Variants in TTC3 observed in about 807,000 individuals in gnomAD.
TTC3 encodes E3 ubiquitin-protein ligase TTC3.
Under a neutral mutation model 249.6 loss-of-function variants are expected in TTC3, and 180 were observed. The observed-to-expected ratio is 0.72, with a 90% confidence interval of 0.64 to 0.82. TTC3 has a LOEUF of 0.82. TTC3 is among the 40% of genes least tolerant of loss of function. The probability of loss-of-function intolerance (pLI) is 0.00; values close to 1 mark genes in which losing one functional copy is unlikely to be tolerated. For synonymous variants in TTC3, 717 were observed against 805.0 expected, an observed-to-expected ratio of 0.89 and a Z score of 1.85; for missense variants, 2,061 against 2,398.4, an observed-to-expected ratio of 0.86 and a Z score of 2.94.
rs192795964 is a variant in TTC3 at position 37,195,614 on chromosome 21, T to C, written c.5218-61T>C. 1.0e-5 allele frequency: 16 copies of C among 1,529,112 alleles called. No homozygotes were observed. The East Asian group carries it at 3.6e-4, about 35-fold the overall frequency. 94.7% of individuals were successfully genotyped at this position (1,529,112 alleles called of 1,614,324 possible). Reference sequence around the variant, plus strand: ...GTATTTATTCATCGGCCTTTGTCCTTGGGCGTTTCATCCTTCAAGGGAAGC... The same window carrying C: ...GTATTTATTCATCGGCCTTTGTCCTCGGGCGTTTCATCCTTCAAGGGAAGC... On this transcript the variant is annotated intron_variant, in intron 41 of 45. Transcript: ENST00000355666.
At chr21:37,166,303 A>T in exon 33 of TTC3, 1 of 1,614,254 alleles carries the variant, frequency 6.2e-7, no homozygotes, top group Non-Finnish European at 8.5e-7. Flanking sequence ...AGCTACCAAG[A>T]TCAGTACCAG....
exon 21 of TTC3, chr21:37,144,579 T>C (rs1267111974): frequency 3.7e-6 from 6 of 1,612,812 alleles, no homozygotes; most frequent in Non-Finnish European, 4.2e-6. Flanking sequence ...TTTATCGTCT[T>C]CCTGGAGTGT....
At chr21:37,193,765 G>A (rs956136991) in intron 41 of TTC3, 3 of 152,228 alleles carry the variant, frequency 2.0e-5, no homozygotes, top group Non-Finnish European at 4.4e-5. Context: ...CCCTCAAAGT[G>A]CACATGGACT....
chr21:37,085,126 G>A (rs1170214437), intron 1 of TTC3, among the ~76,000 whole-genome samples: 1 of 152,224 alleles, frequency 6.6e-6, no homozygotes, highest in East Asian at 1.9e-4. Context: ...CAGTCTGCCA[G>A]GTATGAGCAC....
intron 20 of TTC3, among the ~76,000 whole-genome samples, chr21:37,141,057 G>A (rs2078399216): frequency 6.6e-6 from 1 of 152,120 alleles, no homozygotes; most frequent in Non-Finnish European, 1.5e-5. Flanking sequence ...TTTTAAATAA[G>A]AGGTATATAT....
rs775109994 is a variant in TTC3 at position 37,088,822 on chromosome 21, A to G, written c.362A>G (p.Asn121Ser). 1.4e-5 allele frequency: 22 copies of G among 1,613,112 alleles called. No individual in the cohort carries two copies. In the African/African-American group the frequency reaches 2.9e-4, roughly 22 times the overall value. ...AGCAATTCACGTGCTTCTGAGATAAATTTGAAGAAACTACAACATCTTGAG... is the reference window on the plus strand; with the variant it reads ...AGCAATTCACGTGCTTCTGAGATAAGTTTGAAGAAACTACAACATCTTGAG... The change falls in exon 5 of 46, where the codon AAT becomes AGT. Residue 121 changes from asparagine to serine, a missense_variant. By Grantham distance (46) the Asn-to-Ser change is conservative (BLOSUM62 1). This residue lies in a region of TTC3 where 989 missense variants were observed against 1,145.1 expected (regional missense o/e 0.86). Coordinates refer to ENST00000355666, the Ensembl canonical transcript of TTC3.
chr21:37,093,710 A>G (rs2073591845), intron 7 of TTC3, among the ~76,000 whole-genome samples: 1 of 152,172 alleles, frequency 6.6e-6, no homozygotes, highest in Non-Finnish European at 1.5e-5. Flanking sequence ...TATTGTAAAT[A>G]CAATTACAAC....
chr21:37,077,238 T>G (rs934369687), intron 1 of TTC3, among the ~76,000 whole-genome samples: 1 of 152,192 alleles, frequency 6.6e-6, no homozygotes, highest in Non-Finnish European at 1.5e-5. Flanking sequence ...TTGCAATTAT[T>G]TAATCTTATG....
chr21:37,197,931 C>T, exon 44 of TTC3: 1 of 1,614,094 alleles, frequency 6.2e-7, no homozygotes, highest in Non-Finnish European at 8.5e-7. Flanking sequence ...TCTGCCACCC[C>T]CGTGACCAGG....
At chr21:37,176,414 A>C (rs538734517) in intron 35 of TTC3, among the ~76,000 whole-genome samples, 49 of 152,310 alleles carry the variant, frequency 3.2e-4, no homozygotes, top group Admixed American at 5.9e-4. Context: ...CTTTAATGAG[A>C]TGCTAAAATG....
chr21:37,157,493 A>T (rs751651869), intron 28 of TTC3, among the ~76,000 whole-genome samples: 12 of 152,224 alleles, frequency 7.9e-5, no homozygotes, highest in Non-Finnish European at 1.8e-4. Context: ...AGAAGCATGC[A>T]CTAATAACAG....
intron 32 of TTC3, 85 bp from the exon 33 acceptor site, chr21:37,165,465 C>T: frequency 1.9e-6 from 2 of 1,026,660 alleles, no homozygotes; most frequent in East Asian, 2.4e-5. Context: ...CAGTGTTTTC[C>T]TTTGGGAGAA....
chr21:37,093,868 CAT>C (rs552239278), intron 7 of TTC3, 135 bp from the exon 8 acceptor site: 172 of 517,830 alleles, frequency 3.3e-4, no homozygotes, highest in African/African-American at 3.0e-3. Flanking sequence ...TTACAAGAAA[CAT>C]GTGCTATTTA....
chr21:37,074,652 G>C (rs937337456), intron 1 of TTC3, among the ~76,000 whole-genome samples: 1 of 117,746 alleles, frequency 8.5e-6, no homozygotes, highest in Admixed American at 8.1e-5. Flanking sequence ...CTCTAGTTAG[G>C]ACATTTTTTG....
intron 1 of TTC3, chr21:37,086,119 T>C (rs2072435483): frequency 1.3e-5 from 2 of 152,256 alleles, no homozygotes; most frequent in African/African-American, 4.8e-5. Flanking sequence ...TTATTATTCT[T>C]CACTTGTGAT....
chr21:37,097,537 A>G (rs4817850), intron 10 of TTC3, among the ~76,000 whole-genome samples: 103,340 of 152,052 alleles, frequency 0.68, 35,536 homozygotes, highest in African/African-American at 0.76. Context: ...ACCTTCAGCT[A>G]CCCAAAATGA....
intron 17 of TTC3, among the ~76,000 whole-genome samples, chr21:37,134,404 C>T (rs2077739803): frequency 6.7e-6 from 1 of 150,356 alleles, no homozygotes; most frequent in Admixed American, 6.6e-5. Context: ...GAGCCGAGAT[C>T]TGCCACTGCA....
Position 37,104,988 on chromosome 21 carries a change from T to C in TTC3, c.846-3404T>C, listed in dbSNP as rs754124743. ...ATCAGGATTGAGCCTTGAACACATA[T>C]GGCCAATTGGAGAAGGATGAGCCTG... On this transcript the variant is annotated intron_variant, in intron 10 of 45. Coordinates refer to ENST00000355666, the Ensembl canonical transcript of TTC3. Among the ~76,000 whole-genome samples, 4 of 152,262 alleles carry C rather than the reference T, an allele frequency of 2.6e-5. 1 individual carries two copies. In the South Asian group the frequency reaches 8.3e-4, roughly 32 times the overall value.
chr21:37,194,479 G>A (rs1214644749), intron 41 of TTC3: 1 of 152,070 alleles, frequency 6.6e-6, no homozygotes, highest in Non-Finnish European at 1.5e-5. Flanking sequence ...CTGTGTTCAA[G>A]TCACCCCTAT....
Sources: allele counts gnomAD v4.1 joint callset (sites outside exome capture counted in the v4.1 genomes callset), GRCh38; gene constraint gnomAD v4.1.1; regional missense constraint gnomAD v4.1.1; transcripts MANE v1.5; gene names NCBI Gene and HGNC (gene_info 2026-07-23, HGNC 2026-07-21).